ELL: variants seen among roughly 807,000 people sequenced by gnomAD.
ELL encodes the protein RNA polymerase II elongation factor ELL.
In ELL, 18 loss-of-function variants were observed where a neutral mutation model predicts 64.0. The ratio of observed to expected loss-of-function variants is 0.28; its 90% CI spans 0.19 to 0.42. The LOEUF (loss-of-function observed/expected upper bound fraction) is 0.42, where lower values mean the gene tolerates loss of function less well. ELL is among the 10% of genes least tolerant of loss of function. The pLI is 1.00. For missense variants in ELL, 797 were observed against 870.4 expected, an observed-to-expected ratio of 0.92 and a Z score of 1.06; for synonymous variants, 399 against 376.2, an observed-to-expected ratio of 1.06 and a Z score of -0.70.
At chr19:18,471,605 T>C (rs1342644252) in intron 2 of ELL, among the ~76,000 whole-genome samples, 1 of 151,900 alleles carries the variant, frequency 6.6e-6, no homozygotes, top group African/African-American at 2.4e-5. Flanking sequence ...GAGGCCGAAG[T>C]TGCAGTGAGC....
intron 1 of ELL, among the ~76,000 whole-genome samples, chr19:18,516,321 T>C (rs922319701): frequency 1.3e-5 from 2 of 152,086 alleles, no homozygotes; most frequent in African/African-American, 4.8e-5. Context: ...CACCCTTCCC[T>C]GCGACAGCAC....
At chr19:18,462,918 G>A (rs912143669) in intron 4 of ELL, among the ~76,000 whole-genome samples, 1 of 152,198 alleles carries the variant, frequency 6.6e-6, no homozygotes, top group Non-Finnish European at 1.5e-5. Flanking sequence ...TCTGGCAGGC[G>A]TGGCTGTGCC....
At chr19:18,497,072 C>A (rs1321236773) in intron 1 of ELL, among the ~76,000 whole-genome samples, 1 of 152,216 alleles carries the variant, frequency 6.6e-6, no homozygotes, top group Non-Finnish European at 1.5e-5. Context: ...AAACGTGCGT[C>A]CACATGAAAA....
chr19:18,473,427 G>A (rs931837195), intron 1 of ELL, among the ~76,000 whole-genome samples: 1 of 152,230 alleles, frequency 6.6e-6, no homozygotes, highest in Non-Finnish European at 1.5e-5. Flanking sequence ...ACAACCAGGT[G>A]GGTGAGCACT....
At chr19:18,479,121 T>TA (rs1828431832) in intron 1 of ELL, among the ~76,000 whole-genome samples, 1 of 152,168 alleles carries the variant, frequency 6.6e-6, no homozygotes, top group Non-Finnish European at 1.5e-5. Flanking sequence ...TGGGTGAATC[T>TA]TCCCCAGGGC....
intron 4 of ELL, among the ~76,000 whole-genome samples, chr19:18,463,910 C>T (rs534207861): frequency 2.1e-3 from 310 of 150,366 alleles, no homozygotes; most frequent in African/African-American, 7.2e-3. Context: ...GGCGTGAACC[C>T]GGGAGGCGGA....
chr19:18,472,599 A>T, intron 2 of ELL: 1 of 528,668 alleles, frequency 1.9e-6, no homozygotes, highest in Non-Finnish European at 3.3e-6. Flanking sequence ...GCATGAAGGG[A>T]GCCACTGGGA....
At chr19:18,506,536 G>A (rs1014755303) in intron 1 of ELL, among the ~76,000 whole-genome samples, 1 of 152,222 alleles carries the variant, frequency 6.6e-6, no homozygotes, top group Non-Finnish European at 1.5e-5. Flanking sequence ...AGACCAGGCT[G>A]AGCAACACAG....
chr19:18,458,451 G>A, intron 5 of ELL, 122 bp from the exon 6 acceptor site: 1 of 1,463,668 alleles, frequency 6.8e-7, no homozygotes, highest in Non-Finnish European at 9.1e-7. Context: ...GACAGAGACA[G>A]AGGAGAGGAA....
At chr19:18,497,203 T>C (rs1196604758) in intron 1 of ELL, among the ~76,000 whole-genome samples, 1 of 152,018 alleles carries the variant, frequency 6.6e-6, no homozygotes. Context: ...TAACAAGAAA[T>C]GAGCTAGGAA....
chr19:18,455,936 TA>T (rs1370626783), intron 6 of ELL, among the ~76,000 whole-genome samples: 3 of 151,856 alleles, frequency 2.0e-5, no homozygotes, highest in Non-Finnish European at 4.4e-5. Context: ...CCATCTCTAC[TA>T]AAAATACAAA....
chr19:18,452,209 C>T (rs1323958012), intron 6 of ELL, among the ~76,000 whole-genome samples: 3 of 152,186 alleles, frequency 2.0e-5, no homozygotes, highest in Non-Finnish European at 4.4e-5. Flanking sequence ...AGCAACCCTG[C>T]AGCTTATGGG....
intron 1 of ELL, among the ~76,000 whole-genome samples, chr19:18,499,227 T>G (rs954541472): frequency 5.3e-5 from 8 of 152,134 alleles, no homozygotes; most frequent in Admixed American, 3.3e-4. Flanking sequence ...TGCTGGGAAG[T>G]GAAAGCAAAA....
At chr19:18,519,806 C>CAAAA (rs1183522203) in intron 1 of ELL, among the ~76,000 whole-genome samples, 15 of 62,666 alleles carry the variant, frequency 2.4e-4, no homozygotes, top group East Asian at 4.8e-4. Flanking sequence ...AACTCCATCT[C>CAAAA]AAAAAAAAAA....
Position 18,445,261 on chromosome 19 carries a change from C to T in ELL, c.1712G>A (p.Arg571Gln), listed in dbSNP as rs1194003369. 6 of 1,613,876 alleles carry T rather than the reference C, an allele frequency of 3.7e-6. No homozygotes were observed. Among genetic ancestry groups the T allele is most frequent in the Non-Finnish European group, 5.1e-6 (6 of 1,179,996 alleles). ...TCGATATTCCTGCAAAATCTGCCCT[C>T]GAGTAGTCTAGAAGAAAAACAAAAT... Reference protein sequence around the residue: ...SQGSEEYETTRGQILQEYRKI... With the variant: ...SQGSEEYETTQGQILQEYRKI... Residue 571 changes from arginine (R) to glutamine (Q), a missense_variant, in exon 11 of 12, where the codon CGA becomes CAA. Physicochemically the swap from Arg to Gln is conservative, Grantham distance 43 (BLOSUM62 1). Coordinates refer to ENST00000262809, the MANE Select transcript of ELL (RefSeq NM_006532.4).
At chr19:18,473,934 C>T (rs111227345) in intron 1 of ELL, among the ~76,000 whole-genome samples, 2,544 of 152,280 alleles carry the variant, frequency 0.017, 29 homozygotes, top group African/African-American at 0.04. Context: ...GGTCTCACTC[C>T]CTCCCACCCT....
intron 1 of ELL, among the ~76,000 whole-genome samples, chr19:18,519,622 C>A (rs1976209997): frequency 6.6e-6 from 1 of 152,108 alleles, no homozygotes; most frequent in Non-Finnish European, 1.5e-5. Context: ...GCCTGGCCAA[C>A]ATGGCAAAAC....
At chr19:18,447,454 T>G (rs560498684) in intron 8 of ELL, among the ~76,000 whole-genome samples, 1 of 152,368 alleles carries the variant, frequency 6.6e-6, no homozygotes, top group East Asian at 1.9e-4. Context: ...GAGGAGCCCA[T>G]GGGCCACCCC....
chr19:18,444,659 G>A lies in ELL; in HGVS notation c.*93C>T. ...AAGCCGGCGGTGCTGGCTCAGATGA[G>A]CATCTTCCTCGGGTTTATTTTTTTA... is the stretch of plus-strand genomic sequence containing the variant. On this transcript the variant is annotated 3_prime_UTR_variant, in exon 12 of 12. Coordinates refer to ENST00000262809, the MANE Select transcript of ELL (RefSeq NM_006532.4). 2 of 1,356,616 alleles carry A rather than the reference G, an allele frequency of 1.5e-6. No homozygotes were observed. The highest frequency in any genetic ancestry group is 2.0e-6 in the Non-Finnish European group (2 of 997,058). The allele number at this position is 1,356,616 out of a possible 1,614,324, so 84.0% of individuals were successfully genotyped here. A position where few individuals can be genotyped will look rare whatever the true frequency, so the allele number is the denominator to read the frequency against.
Sources: allele counts gnomAD v4.1 joint callset (sites outside exome capture counted in the v4.1 genomes callset), GRCh38; gene constraint gnomAD v4.1.1; transcripts MANE v1.5; gene names NCBI Gene and HGNC (gene_info 2026-07-23, HGNC 2026-07-21).